Variants in CLNS1A observed in about 807,000 individuals in gnomAD.
CLNS1A encodes the protein methylosome subunit pICln.
A neutral mutation model predicts 29.4 loss-of-function variants in CLNS1A; 16 were observed. The ratio of observed to expected loss-of-function variants is 0.54; its 90% CI spans 0.37 to 0.83. The LOEUF (loss-of-function observed/expected upper bound fraction) is 0.83, where lower values mean the gene tolerates loss of function less well. Ranked by LOEUF, CLNS1A falls within the 40% of genes least tolerant of loss-of-function variation. The probability of loss-of-function intolerance (pLI) is 0.00; values close to 1 mark genes in which losing one functional copy is unlikely to be tolerated. For synonymous variants in CLNS1A, 96 were observed against 104.8 expected (o/e 0.92, Z 0.51); for missense variants, 235 against 287.4 (o/e 0.82, Z 1.32).
chr11:77,620,719 G>A (rs1958948986), intron 5 of CLNS1A, among the ~76,000 whole-genome samples: 1 of 151,998 alleles, frequency 6.6e-6, no homozygotes, highest in African/African-American at 2.4e-5. Flanking sequence ...TGAGGCAGGA[G>A]AATGGCTTGA....
intron 1 of CLNS1A, among the ~76,000 whole-genome samples, chr11:77,631,838 G>T (rs1392240187): frequency 6.6e-6 from 1 of 151,754 alleles, no homozygotes; most frequent in Non-Finnish European, 1.5e-5. Flanking sequence ...CCAGGGTTCA[G>T]GCGATTCTCC....
intron 6 of CLNS1A, chr11:77,618,448 A>G (rs1958925253): frequency 6.6e-6 from 1 of 152,244 alleles, no homozygotes; most frequent in South Asian, 2.1e-4. Flanking sequence ...AGACATTGCT[A>G]ATTTTAAACT....
chr11:77,631,396 C>A (rs34924092), intron 1 of CLNS1A, among the ~76,000 whole-genome samples: 43,359 of 150,202 alleles, frequency 0.29, 6,394 homozygotes, highest in East Asian at 0.39. Context: ...TCTCGGCTCG[C>A]TGCAAGCTCC....
intron 6 of CLNS1A, among the ~76,000 whole-genome samples, chr11:77,616,938 C>T (rs1415159916): frequency 6.6e-6 from 1 of 152,212 alleles, no homozygotes; most frequent in Non-Finnish European, 1.5e-5. Context: ...CCACGATTAA[C>T]GTGCCGTCTC....
chr11:77,632,397 GA>G (rs1230831195), intron 1 of CLNS1A, among the ~76,000 whole-genome samples: 1 of 152,194 alleles, frequency 6.6e-6, no homozygotes, highest in Non-Finnish European at 1.5e-5. Context: ...TGGAAAAACT[GA>G]AACCTAAACA....
chr11:77,631,997 A>C (rs990879863), intron 1 of CLNS1A, among the ~76,000 whole-genome samples: 61 of 152,346 alleles, frequency 4.0e-4, no homozygotes, highest in Admixed American at 2.0e-4. Flanking sequence ...TCGGCCTCCC[A>C]AAGTGCCAGT....
rs970959267 is a variant in CLNS1A at position 77,615,743 on chromosome 11, C to T, written c.*975G>A. 2 of 151,980 alleles carry T rather than the reference C, an allele frequency of 1.3e-5. No individual in the cohort carries two copies. Among genetic ancestry groups the T allele is most frequent in the Admixed American group, 6.6e-5 (1 of 15,232 alleles). 9.4% of individuals were successfully genotyped at this position (151,980 alleles called of 1,614,324 possible). ...GAAATGAACACTGGGCTGAGTGGTA[C>T]CAAACATCAGTTTAGTCACTAATTA... On this transcript the variant is annotated 3_prime_UTR_variant, in exon 7 of 7. Coordinates refer to ENST00000525428, the MANE Select transcript of CLNS1A (RefSeq NM_001293.3).
At chr11:77,632,681 A>G (rs1194494085) in intron 1 of CLNS1A, among the ~76,000 whole-genome samples, 3 of 152,102 alleles carry the variant, frequency 2.0e-5, no homozygotes, top group Non-Finnish European at 1.5e-5. Flanking sequence ...ACTTTTTCAG[A>G]TTTACAAATG....
intron 1 of CLNS1A, among the ~76,000 whole-genome samples, chr11:77,634,392 G>GT (rs542425566): frequency 1.2e-3 from 185 of 152,224 alleles, no homozygotes; most frequent in African/African-American, 4.2e-3. Context: ...GTATGTGTGT[G>GT]TATTTATACC....
At chr11:77,622,949 G>GA (rs35752186) in intron 4 of CLNS1A, among the ~76,000 whole-genome samples, 32,609 of 105,636 alleles carry the variant, frequency 0.31, 4,535 homozygotes, top group East Asian at 0.47. Context: ...CCTTGTCTTG[G>GA]AAAAAAAAAA....
At chr11:77,628,963 A>G (rs549510831) in intron 2 of CLNS1A, among the ~76,000 whole-genome samples, 37 of 152,328 alleles carry the variant, frequency 2.4e-4, no homozygotes, top group Middle Eastern at 3.4e-3. Context: ...ACTGCTAGAC[A>G]CCAATAATAC....
chr11:77,621,095 G>C (rs968984744), intron 5 of CLNS1A, among the ~76,000 whole-genome samples: 5 of 151,976 alleles, frequency 3.3e-5, no homozygotes, highest in African/African-American at 9.7e-5. Flanking sequence ...TCAGGAGTTC[G>C]AGACCAGCCT....
At position 77,637,566 on chromosome 11, in the gene CLNS1A, A is replaced by C. The variant is rs116637292; in HGVS notation, c.125+24T>G. ...GGAGGAGGGCGGCGCGCAGGAGGCC[A>C]GCGCTGGGGACCAGGAACCCTACCT... On this transcript the variant is annotated intron_variant, in intron 1 of 6. Coordinates refer to ENST00000525428, the MANE Select transcript of CLNS1A (RefSeq NM_001293.3). The C allele has an allele frequency of 1.8e-3, 2,886 of 1,587,658 alleles. 48 individuals are homozygous for C. In the African/African-American group the frequency reaches 0.036, roughly 20 times the overall value.
chr11:77,626,089 T>C (rs1959015397), intron 2 of CLNS1A, among the ~76,000 whole-genome samples: 1 of 152,094 alleles, frequency 6.6e-6, no homozygotes, highest in Non-Finnish European at 1.5e-5. Context: ...TTTAAGGTAA[T>C]CTAATCTCAT....
At chr11:77,625,928 A>C in intron 2 of CLNS1A, 110 bp from the exon 3 acceptor site, 2 of 952,900 alleles carry the variant, frequency 2.1e-6, no homozygotes, top group Non-Finnish European at 3.1e-6. Flanking sequence ...TGGTTGACAA[A>C]TTTATTTCCA....
In CLNS1A at chr11:77,624,994, G is replaced by A. The variant is rs1397826754; in HGVS notation, c.441C>T (p.Tyr147=). ...CTTCCACATCATATTCTTCTCCATC[G>A]TAGTCATCTGAATCCTCATCCTCAG... ...PDPEDEDSDD[Y]DGEEYDVEAH... is the part of the protein sequence containing the mutation. The change falls in exon 4 of 7, where the codon TAC becomes TAT. Residue 147 remains tyrosine, a synonymous_variant. Coordinates refer to ENST00000525428, the MANE Select transcript of CLNS1A (RefSeq NM_001293.3). The A allele has an allele frequency of 4.2e-5, 68 of 1,612,970 alleles. No homozygotes were observed. Among genetic ancestry groups the A allele is most frequent in the Middle Eastern group, 1.6e-4 (1 of 6,084 alleles).
intron 2 of CLNS1A, among the ~76,000 whole-genome samples, 168 bp downstream of exon 2, chr11:77,629,595 C>T (rs1489401423): frequency 1.3e-5 from 2 of 152,068 alleles, no homozygotes; most frequent in Non-Finnish European, 2.9e-5. Context: ...GGGTTTTCAC[C>T]GTATTAGCCA....
intron 5 of CLNS1A, 41 bp from the exon 6 acceptor site, chr11:77,619,736 C>T (rs1368086810): frequency 7.5e-7 from 1 of 1,332,508 alleles, no homozygotes; most frequent in Non-Finnish European, 1.1e-6. Flanking sequence ...CCTATGAACA[C>T]TTCAGACAGG....
intron 3 of CLNS1A, chr11:77,625,448 G>A: frequency 2.1e-6 from 1 of 479,136 alleles, no homozygotes. Flanking sequence ...TAAGTCAACA[G>A]CACCAATCAG....
Sources: gnomAD v4.1 joint callset for allele counts (sites outside exome capture counted in the v4.1 genomes callset) on GRCh38, gnomAD v4.1.1 for gene constraint, MANE v1.5 for transcripts, NCBI Gene and HGNC (gene_info 2026-07-23, HGNC 2026-07-21) for gene names.